Variants in ZNF462 observed in about 807,000 individuals in gnomAD.
ZNF462 encodes the protein zinc finger PBX1-interacting protein.
Under a neutral mutation model 201.9 loss-of-function variants are expected in ZNF462, and 10 were observed. The ratio of observed to expected loss-of-function variants is 0.05; its 90% confidence interval spans 0.03 to 0.08. The LOEUF is 0.08. Ranked by LOEUF, ZNF462 falls within the 10% of genes least tolerant of loss-of-function variation. The pLI is 1.00. For missense variants in ZNF462, 2,523 were observed against 3,168.3 expected, an observed-to-expected ratio of 0.80 and a Z score of 4.89; for synonymous variants, 1,227 against 1,193.3, an observed-to-expected ratio of 1.03 and a Z score of -0.58.
rs1159367655 is a variant in ZNF462 at position 107,010,043 on chromosome 9, C to A, written c.7313+375C>A. Among the ~76,000 whole-genome samples, 2 of 152,120 alleles carry A rather than the reference C, an allele frequency of 1.3e-5. No homozygotes were observed. Among genetic ancestry groups the A allele is most frequent in the Non-Finnish European group, 2.9e-5 (2 of 68,018 alleles). Reference sequence around the variant, plus strand: ...GTTCCTGCCTCTCTGACTGATCATTCCCTGAGTGGCCCTGAACATTCCCAT... The same window carrying A: ...GTTCCTGCCTCTCTGACTGATCATTACCTGAGTGGCCCTGAACATTCCCAT... On this transcript the variant is annotated intron_variant, in intron 12 of 12. Transcript: ENST00000277225. This position sits in a 1 kb window ranked among gnomAD's most constrained non-coding sequence, Gnocchi z 4.6.
chr9:106,875,900 A>G (rs1827809411), intron 1 of ZNF462, among the ~76,000 whole-genome samples: 1 of 152,206 alleles, frequency 6.6e-6, no homozygotes, highest in South Asian at 2.1e-4. Flanking sequence ...ATTGCTTTAT[A>G]TGTGTATATA....
chr9:106,895,108 A>G lies in ZNF462; in HGVS notation c.-30-28246A>G, dbSNP rs1564082105. ...GAGTACCCTTTGTTTAAACTATTCC[A>G]ACCTAAGGTCTGTTGCTTCTTGGAT... On this transcript the variant is annotated intron_variant, in intron 1 of 12. Coordinates refer to ENST00000277225, the MANE Select transcript of ZNF462 (RefSeq NM_021224.6). The surrounding 1 kb of genome is among the most constrained non-coding windows in gnomAD (Gnocchi z 4.4). 6.6e-6 allele frequency among the ~76,000 whole-genome samples: 1 copy of G among 152,210 alleles called. No homozygotes were observed. The highest frequency in any genetic ancestry group is 1.5e-5 in the Non-Finnish European group (1 of 68,036).
chr9:106,914,397 T>G (rs1829682382), intron 1 of ZNF462, among the ~76,000 whole-genome samples: 1 of 152,166 alleles, frequency 6.6e-6, no homozygotes, highest in Non-Finnish European at 1.5e-5. Flanking sequence ...CCACAGATGC[T>G]GGGTATGATA....
Position 107,006,621 on chromosome 9 carries a change from T to C in ZNF462, c.7190-2924T>C, listed in dbSNP as rs1829562147. 6.6e-6 allele frequency among the ~76,000 whole-genome samples: 1 copy of C among 152,124 alleles called. No homozygotes were observed. The highest frequency in any genetic ancestry group is 6.6e-5 in the Admixed American group (1 of 15,260). The stretch of plus-strand genomic sequence containing the variant: ...TGCAAACATTAAGGAAGCCTATTGG[T>C]GGGCTACTTCCCTCCAAGGTGTTCC... On this transcript the variant is annotated intron_variant, in intron 11 of 12. Transcript: ENST00000277225. The surrounding 1 kb of genome is among the most constrained non-coding windows in gnomAD (Gnocchi z 4.3).
rs566153346 is a variant in ZNF462, at chr9:107,005,756, C to G, written c.7189+2330C>G. On this transcript the variant is annotated intron_variant, in intron 11 of 12. Transcript: ENST00000277225. The surrounding 1 kb of genome is among the most constrained non-coding windows in gnomAD (Gnocchi z 4.4). Reference sequence around the variant, plus strand: ...GAGGTCATATCCAAAAAATCATTGCCCAGACCAATGTCATGGAGCTTTTCC... The same window carrying G: ...GAGGTCATATCCAAAAAATCATTGCGCAGACCAATGTCATGGAGCTTTTCC... Among the ~76,000 whole-genome samples, 4 of 152,234 alleles carry G rather than the reference C, an allele frequency of 2.6e-5. No homozygotes were observed. The South Asian group carries it at 6.2e-4, about 24-fold the overall frequency.
rs149935401 is a variant in ZNF462 at position 106,969,580 on chromosome 9, G to A, written c.6428-2425G>A. Among the ~76,000 whole-genome samples the A allele has an allele frequency of 2.0e-3, 307 of 152,236 alleles. 5 individuals are homozygous for A. The highest frequency in any genetic ancestry group is 7.1e-3 in the African/African-American group (295 of 41,546). ...CTGGCTTATCATCTGGCTAGGAGCCGTTCATTTCTTTATAGTTTTGCTAGA... is the reference window on the plus strand; with the variant it reads ...CTGGCTTATCATCTGGCTAGGAGCCATTCATTTCTTTATAGTTTTGCTAGA... On this transcript the variant is annotated intron_variant, in intron 7 of 12. Transcript: ENST00000277225.
intron 7 of ZNF462, among the ~76,000 whole-genome samples, chr9:106,960,212 C>T (rs1156830306): frequency 6.6e-6 from 1 of 152,084 alleles, no homozygotes; most frequent in Non-Finnish European, 1.5e-5. Context: ...TATGCTTATA[C>T]CCAGATGTGC....
intron 7 of ZNF462, among the ~76,000 whole-genome samples, chr9:106,951,505 A>C (rs1831346494): frequency 6.6e-6 from 1 of 152,252 alleles, no homozygotes; most frequent in Non-Finnish European, 1.5e-5. Context: ...TGTGCTGCAC[A>C]CGTTGGTGGT....
rs138065009 is a variant in ZNF462, at chr9:106,977,123, C to A, written c.6832+2850C>A. ...ACAGCCATGTATACCATCTGTGTCC[C>A]GGCCTGGCTTTGGTGTCCATCTCTA... On this transcript the variant is annotated intron_variant, in intron 9 of 12. Coordinates refer to ENST00000277225, the MANE Select transcript of ZNF462 (RefSeq NM_021224.6). This position sits in a 1 kb window ranked among gnomAD's most constrained non-coding sequence, Gnocchi z 4.6. Among the ~76,000 whole-genome samples, 1 of 152,148 alleles carries A rather than the reference C, an allele frequency of 6.6e-6. No homozygotes were observed. The highest frequency in any genetic ancestry group is 2.4e-5 in the African/African-American group (1 of 41,428).
chr9:106,890,241 T>G lies in ZNF462; in HGVS notation c.-31+26886T>G, dbSNP rs908176044. On this transcript the variant is annotated intron_variant, in intron 1 of 12. Transcript: ENST00000277225. This position sits in a 1 kb window ranked among gnomAD's most constrained non-coding sequence, Gnocchi z 4.2. ...TTGACTGAGCTGTGTATGGCCTCAC[T>G]CTTCAATTCTGTTGTCAGCCTATGT... Among the ~76,000 whole-genome samples, 1 of 152,242 alleles carries G rather than the reference T, an allele frequency of 6.6e-6. No individual in the cohort carries two copies. Among genetic ancestry groups the G allele is most frequent in the Non-Finnish European group, 1.5e-5 (1 of 68,040 alleles).
chr9:106,925,925 T>G lies in ZNF462; in HGVS notation c.2013T>G (p.Phe671Leu). ...TTGGGTTGTCCTCCAAGAACAATTT[T>G]GTAGCTAAAGCCTCTAGGAAGCTCG... Reference protein sequence around the residue: ...SILGLSSKNNFVAKASRKLAN... With the variant: ...SILGLSSKNNLVAKASRKLAN... Residue 671 changes from phenylalanine to leucine, a missense_variant, in exon 3 of 13, where the codon TTT becomes TTG. Around this residue, in one of 15 missense-constraint regions of ZNF462, gnomAD observed 383 missense variants for 453.4 expected, o/e 0.84. Coordinates refer to ENST00000277225, the MANE Select transcript of ZNF462 (RefSeq NM_021224.6). This position sits in a 1 kb window ranked among gnomAD's most constrained non-coding sequence, Gnocchi z 7.9. 4 of 1,614,186 alleles carry G rather than the reference T, an allele frequency of 2.5e-6. No individual in the cohort carries two copies. Among genetic ancestry groups the G allele is most frequent in the Non-Finnish European group, 3.4e-6 (4 of 1,180,038 alleles).
rs184542106 is a variant in ZNF462 at position 107,010,069 on chromosome 9, G to A, written c.7313+401G>A. Among the ~76,000 whole-genome samples, 1 of 152,212 alleles carries A rather than the reference G, an allele frequency of 6.6e-6. No homozygotes were observed. The highest frequency in any genetic ancestry group is 1.9e-4 in the East Asian group (1 of 5,172). On this transcript the variant is annotated intron_variant, in intron 12 of 12. Coordinates refer to ENST00000277225, the MANE Select transcript of ZNF462 (RefSeq NM_021224.6). This position sits in a 1 kb window ranked among gnomAD's most constrained non-coding sequence, Gnocchi z 4.6. ...CCTGAGTGGCCCTGAACATTCCCAT[G>A]TACTGCCTCGGGGACAGAGCCAGCT...
Position 106,923,631 on chromosome 9 carries a change from C to A in ZNF462, c.220+28C>A. 1.9e-6 allele frequency: 3 copies of A among 1,604,542 alleles called. No homozygotes were observed. In the South Asian group the frequency reaches 3.3e-5, roughly 18 times the overall value. On this transcript the variant is annotated intron_variant, in intron 2 of 12. Transcript: ENST00000277225. The surrounding 1 kb of genome is among the most constrained non-coding windows in gnomAD (Gnocchi z 5.6). ...AAATCTATACTAAACTTGGCACGGC[C>A]GATGTATTTTAATTGCTCTTGTTTC... is the stretch of plus-strand genomic sequence containing the variant.
Position 106,923,439 on chromosome 9 carries a change from T to A in ZNF462, c.56T>A (p.Leu19His), listed in dbSNP as rs1432259644. 6.2e-7 allele frequency: 1 copy of A among 1,614,066 alleles called. No homozygotes were observed. The highest frequency in any genetic ancestry group is 1.3e-5 in the African/African-American group (1 of 74,920). The change falls in exon 2 of 13, where the codon CTC (leucine) becomes CAC (histidine). Residue 19 changes from leucine (L) to histidine (H), a missense_variant. By Grantham distance (99) the Leu-to-His change is moderately conservative (BLOSUM62 -3). Around this residue, in one of 15 missense-constraint regions of ZNF462, gnomAD observed 480 missense variants for 544.4 expected, o/e 0.88. Transcript: ENST00000277225. The surrounding 1 kb of genome is among the most constrained non-coding windows in gnomAD (Gnocchi z 5.6). ...TTCCGAGCCCCGTCTTATGAAGATCTCAAGGCACACATTCAGGATGTCCAC... is the reference window on the plus strand; with the variant it reads ...TTCCGAGCCCCGTCTTATGAAGATCACAAGGCACACATTCAGGATGTCCAC... ...CDFRAPSYED[L>H]KAHIQDVHTA...
Position 106,920,594 on chromosome 9 carries a change from A to G in ZNF462, c.-30-2760A>G, listed in dbSNP as rs1023771177. Among the ~76,000 whole-genome samples the G allele has an allele frequency of 6.6e-6, 1 of 152,132 alleles. No individual in the cohort carries two copies. The highest frequency in any genetic ancestry group is 1.5e-5 in the Non-Finnish European group (1 of 68,026). On this transcript the variant is annotated intron_variant, in intron 1 of 12. Transcript: ENST00000277225. This position sits in a 1 kb window ranked among gnomAD's most constrained non-coding sequence, Gnocchi z 4.3. The stretch of plus-strand genomic sequence containing the variant: ...TAAAGCTAGAACCCATTAGGAAATC[A>G]CTTTCATCATCTCTTCTTTTTCCAA...
intron 1 of ZNF462, among the ~76,000 whole-genome samples, chr9:106,908,943 T>G (rs4742676): frequency 2.3e-4 from 4 of 17,686 alleles, no homozygotes; most frequent in African/African-American, 5.9e-4. Context: ...ATATATATAT[T>G]TTTTTTTTTT....
intron 10 of ZNF462, among the ~76,000 whole-genome samples, chr9:106,994,513 G>C (rs1204871093): frequency 1.3e-5 from 2 of 151,692 alleles, no homozygotes; most frequent in African/African-American, 4.8e-5. Context: ...TTTTTGGATT[G>C]CTTTTTATTT....
In ZNF462 at chr9:107,011,318, G is replaced by C. The variant is rs1390368495; in HGVS notation, c.*288G>C. 2.7e-6 allele frequency: 1 copy of C among 373,836 alleles called. No homozygotes were observed. The highest frequency in any genetic ancestry group is 2.1e-5 in the African/African-American group (1 of 47,942). The allele number at this position is 373,836 out of a possible 1,614,324, so 23.2% of individuals were successfully genotyped here. On this transcript the variant is annotated 3_prime_UTR_variant, in exon 13 of 13. Coordinates refer to ENST00000277225, the MANE Select transcript of ZNF462 (RefSeq NM_021224.6). This position sits in a 1 kb window ranked among gnomAD's most constrained non-coding sequence, Gnocchi z 5.6. ...CGGAATATGGAAGCACCTCCCAATG[G>C]TACGGTGCACCCTGTGGTGGTCTTG...
rs1459381658 is a variant in ZNF462, at chr9:106,932,118, G to T, written c.6013-328G>T. The T allele has an allele frequency of 7.9e-7, 1 of 1,273,572 alleles. No homozygotes were observed. The highest frequency in any genetic ancestry group is 1.1e-6 in the Non-Finnish European group (1 of 941,052). The allele number at this position is 1,273,572 out of a possible 1,614,324, so 78.9% of individuals were successfully genotyped here. Reference sequence around the variant, plus strand: ...GCAGTTGGGCTTGCTCTCCCTCTAGGGGTAGCTGGAGAGGCAGGGGAGGAA... The same window carrying T: ...GCAGTTGGGCTTGCTCTCCCTCTAGTGGTAGCTGGAGAGGCAGGGGAGGAA... On this transcript the variant is annotated intron_variant, in intron 4 of 12. Coordinates refer to ENST00000277225, the MANE Select transcript of ZNF462 (RefSeq NM_021224.6). This position sits in a 1 kb window ranked among gnomAD's most constrained non-coding sequence, Gnocchi z 6.8.
Sources: gnomAD v4.1 joint callset for allele counts (sites outside exome capture counted in the v4.1 genomes callset) on GRCh38, gnomAD v4.1.1 for gene constraint, gnomAD v4.1.1 regional missense constraint, Gnocchi (gnomAD v3.1) non-coding constraint, MANE v1.5 for transcripts, NCBI Gene and HGNC (gene_info 2026-07-23, HGNC 2026-07-21) for gene names.